PSD3: variants seen among roughly 807,000 people sequenced by gnomAD.
The protein encoded by PSD3 is pleckstrin and Sec7 domain containing 3, also known as PH and SEC7 domain-containing protein 3.
A neutral mutation model predicts 105.5 loss-of-function variants in PSD3; 49 were observed. That is an observed-to-expected ratio of 0.46 (90% confidence interval 0.37 to 0.59). The LOEUF (loss-of-function observed/expected upper bound fraction) is 0.59, where lower values mean the gene tolerates loss of function less well. Among genes scored for constraint, PSD3 ranks in the 20% least tolerant of loss-of-function variants. PSD3 has a pLI of 0.00. For synonymous variants in PSD3, 557 were observed against 457.8 expected, an observed-to-expected ratio of 1.22 and a Z score of -2.77; for missense variants, 1,561 against 1,263.8, an observed-to-expected ratio of 1.24 and a Z score of -3.57.
At chr8:18,575,057 T>A in intron 13 of PSD3, 71 bp downstream of exon 13, 1 of 1,475,068 alleles carries the variant, frequency 6.8e-7, no homozygotes, top group Non-Finnish European at 9.0e-7. Flanking sequence ...AGAGCTTGAT[T>A]TTGTTCCTTG....
chr8:18,919,034 T>C (rs1193702355), intron 2 of PSD3, among the ~76,000 whole-genome samples: 2 of 152,174 alleles, frequency 1.3e-5, no homozygotes, highest in Non-Finnish European at 2.9e-5. Context: ...CTTGGATTCT[T>C]TTTTTTAAGC....
At chr8:18,859,887 A>G (rs954927917) in intron 4 of PSD3, among the ~76,000 whole-genome samples, 1 of 152,192 alleles carries the variant, frequency 6.6e-6, no homozygotes, top group Non-Finnish European at 1.5e-5. Flanking sequence ...TGTTTTCCTT[A>G]TTATTCATGT....
intron 1 of PSD3, among the ~76,000 whole-genome samples, chr8:19,004,233 TC>T (rs1232349540): frequency 2.0e-5 from 3 of 152,056 alleles, no homozygotes; most frequent in Non-Finnish European, 4.4e-5. Flanking sequence ...TTCCAAAATT[TC>T]CTTTCAGTAT....
At chr8:18,660,905 A>C (rs1809299371) in intron 9 of PSD3, among the ~76,000 whole-genome samples, 1 of 152,186 alleles carries the variant, frequency 6.6e-6, no homozygotes, top group East Asian at 1.9e-4. Context: ...AAGCAAAGAA[A>C]ATTGCTTAAA....
intron 1 of PSD3, among the ~76,000 whole-genome samples, chr8:19,068,496 G>A (rs1829149935): frequency 6.6e-6 from 1 of 152,096 alleles, no homozygotes; most frequent in African/African-American, 2.4e-5. Context: ...TCACTATGTT[G>A]TCTAAGCTGG....
chr8:18,726,026 G>A (rs1803312251), intron 9 of PSD3, among the ~76,000 whole-genome samples: 1 of 152,150 alleles, frequency 6.6e-6, no homozygotes, highest in Non-Finnish European at 1.5e-5. Flanking sequence ...TCAATGCCAA[G>A]CCATACTTAT....
At chr8:18,757,654 C>T (rs1201768671) in intron 9 of PSD3, among the ~76,000 whole-genome samples, 1 of 152,192 alleles carries the variant, frequency 6.6e-6, no homozygotes, top group African/African-American at 2.4e-5. Flanking sequence ...CCACCAGCAT[C>T]CGAGCCACCA....
intron 4 of PSD3, among the ~76,000 whole-genome samples, chr8:18,821,844 C>A (rs1206348382): frequency 5.1e-5 from 6 of 117,000 alleles, no homozygotes; most frequent in Non-Finnish European, 7.4e-5. Context: ...GGAATACCCA[C>A]ACACACATGC....
intron 2 of PSD3, among the ~76,000 whole-genome samples, chr8:18,934,329 T>A (rs1821935368): frequency 6.6e-6 from 1 of 152,218 alleles, no homozygotes; most frequent in Non-Finnish European, 1.5e-5. Flanking sequence ...AGGTCAGGGA[T>A]ATGATGATGA....
chr8:19,062,825 T>G (rs945574314), intron 1 of PSD3, among the ~76,000 whole-genome samples: 4 of 152,210 alleles, frequency 2.6e-5, no homozygotes, highest in Admixed American at 2.0e-4. Flanking sequence ...AGACATGTGA[T>G]CACTCACGTA....
intron 4 of PSD3, among the ~76,000 whole-genome samples, chr8:18,821,378 T>C (rs1255146267): frequency 9.8e-6 from 1 of 102,334 alleles, no homozygotes; most frequent in Non-Finnish European, 2.1e-5. Context: ...AATTTTACTT[T>C]TTCATTTTCC....
At chr8:19,064,002 G>A (rs536659755) in intron 1 of PSD3, among the ~76,000 whole-genome samples, 20 of 152,054 alleles carry the variant, frequency 1.3e-4, no homozygotes, top group South Asian at 1.2e-3. Context: ...TTAGCCAGGC[G>A]TGGTGGTGCA....
chr8:18,932,362 G>C (rs1481417855), intron 2 of PSD3, among the ~76,000 whole-genome samples: 1 of 152,226 alleles, frequency 6.6e-6, no homozygotes, highest in Non-Finnish European at 1.5e-5. Context: ...GCTGTGAGAA[G>C]TAATTACAGT....
At chr8:18,835,437 A>G (rs970662128) in intron 4 of PSD3, among the ~76,000 whole-genome samples, 3 of 152,194 alleles carry the variant, frequency 2.0e-5, no homozygotes, top group African/African-American at 7.2e-5. Context: ...GTATTTATTG[A>G]GTGCCTACTA....
At chr8:18,755,140 C>T (rs903397979) in intron 9 of PSD3, among the ~76,000 whole-genome samples, 1 of 152,042 alleles carries the variant, frequency 6.6e-6, no homozygotes, top group African/African-American at 2.4e-5. Context: ...AAACATGCTC[C>T]AAACAAGGCC....
At chr8:18,848,371 C>T (rs1351085485) in intron 4 of PSD3, among the ~76,000 whole-genome samples, 7 of 152,192 alleles carry the variant, frequency 4.6e-5, no homozygotes, top group African/African-American at 1.7e-4. Context: ...TGCAACCTAG[C>T]ATCTGCAGAT....
At chr8:18,849,525 T>C (rs562735695) in intron 4 of PSD3, 2 of 152,352 alleles carry the variant, frequency 1.3e-5, no homozygotes, top group South Asian at 4.1e-4. Context: ...AGGTCTATAC[T>C]AGGTATCATT....
chr8:18,700,582 G>C (rs1801519695), intron 9 of PSD3, among the ~76,000 whole-genome samples: 1 of 152,132 alleles, frequency 6.6e-6, no homozygotes, highest in Non-Finnish European at 1.5e-5. Context: ...GCACAACATG[G>C]TCTCTTAGCA....
At chr8:18,542,468 T>G (rs1212394528) in intron 15 of PSD3, among the ~76,000 whole-genome samples, 1 of 152,130 alleles carries the variant, frequency 6.6e-6, no homozygotes, top group Non-Finnish European at 1.5e-5. Flanking sequence ...ATAACAATAT[T>G]CAAGTATTAT....
Sources: gnomAD v4.1 joint callset for allele counts (sites outside exome capture counted in the v4.1 genomes callset) on GRCh38, gnomAD v4.1.1 for gene constraint, MANE v1.5 for transcripts, NCBI Gene and HGNC (gene_info 2026-07-23, HGNC 2026-07-21) for gene names.